Variants in PIK3C2G observed in about 807,000 individuals in gnomAD.
PIK3C2G encodes the protein phosphatidylinositol 3-kinase C2 domain-containing subunit gamma.
In PIK3C2G, 168 loss-of-function variants were observed where a neutral mutation model predicts 181.1. That is an observed-to-expected ratio of 0.93 (90% confidence interval 0.82 to 1.05). The LOEUF is 1.05. Ranked by LOEUF, PIK3C2G falls within the 50% of genes least tolerant of loss-of-function variation. The pLI is 0.00. For synonymous variants in PIK3C2G, 573 were observed against 592.2 expected (o/e 0.97, Z 0.47); for missense variants, 1,869 against 1,732.8 (o/e 1.08, Z -1.40).
At chr12:18,559,647 A>G (rs1260862788) in intron 26 of PIK3C2G, among the ~76,000 whole-genome samples, 1 of 151,294 alleles carries the variant, frequency 6.6e-6, no homozygotes, top group African/African-American at 2.4e-5. Flanking sequence ...CACACTGAAG[A>G]GAAACTGTTG....
chr12:18,658,196 G>A, the PIK3C2G span, among the ~76,000 whole-genome samples: 14 of 152,046 alleles, frequency 9.2e-5, no homozygotes, highest in Admixed American at 2.6e-4. Flanking sequence ...AGAGACCTAT[G>A]AAATACCACC....
the PIK3C2G span, among the ~76,000 whole-genome samples, chr12:18,712,480 T>C: frequency 6.6e-6 from 1 of 152,314 alleles, no homozygotes; most frequent in African/African-American, 2.4e-5. Flanking sequence ...ACATTTTATT[T>C]TGTCTTGAAA....
chr12:18,495,363 T>C (rs1163217744), intron 20 of PIK3C2G, among the ~76,000 whole-genome samples: 1 of 151,844 alleles, frequency 6.6e-6, no homozygotes, highest in Non-Finnish European at 1.5e-5. Context: ...AAGCTGAAAA[T>C]GCAAATGGAA....
In PIK3C2G at chr12:18,251,339, G is replaced by A. The variant is rs560812343; in HGVS notation, c.-79+3257G>A. ...GTTTTTGGAAGAATTGGAAATTTTA[G>A]TCATAGTCATTTATATACTGGGAGC... On this transcript the variant is annotated intron_variant, in intron 1 of 11. Transcript: ENST00000535651. Among the ~76,000 whole-genome samples the A allele has an allele frequency of 2.6e-5, 4 of 152,122 alleles. No individual in the cohort carries two copies. The South Asian group carries it at 8.3e-4, about 32-fold the overall frequency.
At chr12:18,435,673 T>C (rs988136679) in intron 18 of PIK3C2G, among the ~76,000 whole-genome samples, 4 of 152,048 alleles carry the variant, frequency 2.6e-5, no homozygotes. Flanking sequence ...CCAAATATAA[T>C]CTTTCTTTTT....
chr12:18,283,227 G>C (rs1470550314), intron 2 of PIK3C2G, among the ~76,000 whole-genome samples: 2 of 151,972 alleles, frequency 1.3e-5, no homozygotes, highest in Non-Finnish European at 2.9e-5. Flanking sequence ...TTATACGATT[G>C]GCAGGCAACT....
intron 12 of PIK3C2G, among the ~76,000 whole-genome samples, chr12:18,363,241 T>G (rs1175753224): frequency 1.3e-5 from 2 of 152,200 alleles, no homozygotes; most frequent in Non-Finnish European, 2.9e-5. Context: ...ACAACCCTCC[T>G]GATAACGTGG....
At chr12:18,579,586 C>T (rs1397074754) in intron 29 of PIK3C2G, among the ~76,000 whole-genome samples, 2 of 152,060 alleles carry the variant, frequency 1.3e-5, no homozygotes, top group Non-Finnish European at 2.9e-5. Flanking sequence ...ATGCACACAA[C>T]TGACAAAAGA....
intron 16 of PIK3C2G, among the ~76,000 whole-genome samples, chr12:18,408,616 A>G (rs1293522823): frequency 6.6e-6 from 1 of 152,206 alleles, no homozygotes; most frequent in East Asian, 1.9e-4. Flanking sequence ...TATCAGAGTG[A>G]AAAAGCAACC....
At chr12:18,537,768 G>A (rs781232604) in intron 24 of PIK3C2G, among the ~76,000 whole-genome samples, 1 of 151,682 alleles carries the variant, frequency 6.6e-6, no homozygotes, top group Non-Finnish European at 1.5e-5. Context: ...ATACTATAAG[G>A]TCAAACACAT....
At chr12:18,506,858 A>G (rs1245087383) in intron 24 of PIK3C2G, among the ~76,000 whole-genome samples, 1 of 152,174 alleles carries the variant, frequency 6.6e-6, no homozygotes, top group Admixed American at 6.5e-5. Flanking sequence ...TATTTCTTAC[A>G]AGATAATGTG....
intron 16 of PIK3C2G, among the ~76,000 whole-genome samples, chr12:18,413,110 C>A (rs1242414174): frequency 1.3e-5 from 2 of 151,882 alleles, no homozygotes; most frequent in African/African-American, 2.4e-5. Flanking sequence ...GTATTTTTTT[C>A]TTTGTCTCTC....
In PIK3C2G at chr12:18,588,522, G is replaced by A. The variant is rs553979334; in HGVS notation, c.4012-5972G>A. ...TCATATCACTGATCATTACAGAAAT[G>A]CAAATCAAAACCAGTGAGGTACCAT... On this transcript the variant is annotated intron_variant, in intron 29 of 32. Transcript: ENST00000538779. 5.1e-4 allele frequency among the ~76,000 whole-genome samples: 78 copies of A among 152,180 alleles called. 2 individuals carry two copies. In the South Asian group the frequency reaches 0.015, roughly 29 times the overall value.
the PIK3C2G span, among the ~76,000 whole-genome samples, chr12:18,704,281 A>C: frequency 6.6e-6 from 1 of 152,214 alleles, no homozygotes; most frequent in Non-Finnish European, 1.5e-5. Context: ...AACAGGTTGC[A>C]AGGAGACAAG....
the PIK3C2G span, among the ~76,000 whole-genome samples, chr12:18,718,361 T>A: frequency 6.6e-6 from 1 of 152,152 alleles, no homozygotes; most frequent in Middle Eastern, 3.4e-3. Flanking sequence ...TCCTCCACAT[T>A]ATTGAATAAA....
At chr12:18,395,084 C>CTTCTTTCT (rs1211076005) in intron 15 of PIK3C2G, among the ~76,000 whole-genome samples, 23 of 141,580 alleles carry the variant, frequency 1.6e-4, no homozygotes, top group African/African-American at 5.2e-4. Flanking sequence ...TCTTTCATTC[C>CTTCTTTCT]TTCTTTCTTT....
At chr12:18,658,637 T>C in the PIK3C2G span, among the ~76,000 whole-genome samples, 1 of 152,154 alleles carries the variant, frequency 6.6e-6, no homozygotes, top group Non-Finnish European at 1.5e-5. Flanking sequence ...TTTTAATAAA[T>C]AATAGCATTA....
chr12:18,274,759 A>T (rs545337252), intron 1 of PIK3C2G, among the ~76,000 whole-genome samples: 3 of 152,262 alleles, frequency 2.0e-5, no homozygotes, highest in Admixed American at 1.3e-4. Flanking sequence ...CATATGTAAC[A>T]AACCTGCACG....
chr12:18,652,787 G>A (rs531391359), downstream of PIK3C2G, among the ~76,000 whole-genome samples: 4 of 152,050 alleles, frequency 2.6e-5, no homozygotes, highest in African/African-American at 9.7e-5. Context: ...AACCTAATGA[G>A]GTGGGAAAGA....
Sources: gnomAD v4.1 joint callset for allele counts (sites outside exome capture counted in the v4.1 genomes callset) on GRCh38, gnomAD v4.1.1 for gene constraint, MANE v1.5 for transcripts, NCBI Gene and HGNC (gene_info 2026-07-23, HGNC 2026-07-21) for gene names.